EXOC4: variants seen among roughly 807,000 people sequenced by gnomAD.
EXOC4 encodes the protein SEC8-like 1.
A neutral mutation model predicts 107.2 loss-of-function variants in EXOC4; 71 were observed. The observed-to-expected ratio is 0.66, with a 90% CI of 0.55 to 0.81. EXOC4 has a LOEUF of 0.81. Among genes scored for constraint, EXOC4 ranks in the 30% least tolerant of loss-of-function variants. EXOC4 has a pLI of 0.00. For missense variants in EXOC4, 1,108 were observed against 1,189.6 expected, an observed-to-expected ratio of 0.93 and a Z score of 1.01; for synonymous variants, 456 against 441.2, an observed-to-expected ratio of 1.03 and a Z score of -0.42.
intron 5 of EXOC4, among the ~76,000 whole-genome samples, chr7:133,346,288 G>A (rs1795781974): frequency 6.6e-6 from 1 of 152,082 alleles, no homozygotes; most frequent in Non-Finnish European, 1.5e-5. Flanking sequence ...AGCGCATTAA[G>A]TCTTTATTAC....
intron 10 of EXOC4, among the ~76,000 whole-genome samples, chr7:133,771,961 T>G (rs189665924): frequency 6.6e-6 from 1 of 151,940 alleles, no homozygotes; most frequent in African/African-American, 2.4e-5. Flanking sequence ...AGATCCCTCA[T>G]AGGCCCCAGG....
chr7:133,538,805 T>G (rs995014206), intron 9 of EXOC4, among the ~76,000 whole-genome samples: 2 of 141,940 alleles, frequency 1.4e-5, no homozygotes, highest in Non-Finnish European at 3.0e-5. Flanking sequence ...CACTGCAGCT[T>G]GGGCTACAGA....
At chr7:133,860,679 A>T (rs1169322488) in intron 11 of EXOC4, among the ~76,000 whole-genome samples, 1 of 147,594 alleles carries the variant, frequency 6.8e-6, no homozygotes, top group Non-Finnish European at 1.5e-5. Context: ...TGCTTAATAG[A>T]TGTTACTTCT....
intron 10 of EXOC4, among the ~76,000 whole-genome samples, chr7:133,692,355 C>T (rs1467011235): frequency 6.6e-6 from 1 of 152,170 alleles, no homozygotes; most frequent in South Asian, 2.1e-4. Flanking sequence ...AGGAATTACT[C>T]ATTGTGTGCT....
intron 14 of EXOC4, among the ~76,000 whole-genome samples, chr7:133,961,797 A>T (rs1800951107): frequency 6.6e-6 from 1 of 152,220 alleles, no homozygotes; most frequent in Non-Finnish European, 1.5e-5. Context: ...GCAGGACTGG[A>T]ACCTAGGCCA....
intron 7 of EXOC4, among the ~76,000 whole-genome samples, chr7:133,451,385 C>T (rs1435007093): frequency 1.3e-5 from 2 of 151,938 alleles, no homozygotes; most frequent in African/African-American, 4.8e-5. Context: ...AGGGCAGTAT[C>T]CTCTTTTGAT....
At chr7:133,592,204 G>A (rs1325053822) in intron 9 of EXOC4, among the ~76,000 whole-genome samples, 1 of 152,112 alleles carries the variant, frequency 6.6e-6, no homozygotes, top group South Asian at 2.1e-4. Context: ...TGGGACTACA[G>A]GTGTGTGCCG....
intron 12 of EXOC4, among the ~76,000 whole-genome samples, chr7:133,906,315 G>A (rs1799564892): frequency 6.6e-6 from 1 of 152,174 alleles, no homozygotes; most frequent in African/African-American, 2.4e-5. Flanking sequence ...CTCAGAGTGA[G>A]AGGCAGGACT....
intron 17 of EXOC4, among the ~76,000 whole-genome samples, chr7:134,060,229 C>T (rs1796024866): frequency 6.6e-6 from 1 of 152,190 alleles, no homozygotes. Context: ...GGAACTGCTG[C>T]AAAAAGGCAC....
At position 133,546,998 on chromosome 7, in the gene EXOC4, A is replaced by T. The variant is rs556392346; in HGVS notation, c.1417+66860A>T. Among the ~76,000 whole-genome samples, 3 of 152,212 alleles carry T rather than the reference A, an allele frequency of 2.0e-5. No individual in the cohort carries two copies. The South Asian group carries it at 6.2e-4, about 32-fold the overall frequency. On this transcript the variant is annotated intron_variant, in intron 9 of 17. Coordinates refer to ENST00000253861, the MANE Select transcript of EXOC4 (RefSeq NM_021807.4). ...AACCCACAAAAATTCCTTATTTGAC[A>T]CTAGACAACATTATCGAAGGTGACA...
At chr7:133,368,205 A>T (rs1796287977) in intron 6 of EXOC4, among the ~76,000 whole-genome samples, 1 of 152,242 alleles carries the variant, frequency 6.6e-6, no homozygotes, top group Non-Finnish European at 1.5e-5. Context: ...CACTTCTCTC[A>T]GTTCATTGTA....
At position 133,449,682 on chromosome 7, in the gene EXOC4, TACTC is replaced by T. The variant is rs137951554; in HGVS notation, c.1183-25644_1183-25641del. Among the ~76,000 whole-genome samples, 7 of 151,868 alleles carry T rather than the reference TACTC, an allele frequency of 4.6e-5. No individual in the cohort carries two copies. In the East Asian group the frequency reaches 1.4e-3, roughly 30 times the overall value. On this transcript the variant is annotated intron_variant, in intron 7 of 17. Transcript: ENST00000253861. ...GAAAATGCGGTAAACTCTTTTGTCT[TACTC>T]ATGGTGTTTTTTTCTGTAAAGCAAG...
intron 10 of EXOC4, among the ~76,000 whole-genome samples, chr7:133,715,928 T>C (rs2151101211): frequency 6.6e-6 from 1 of 152,298 alleles, no homozygotes; most frequent in Non-Finnish European, 1.5e-5. Context: ...AATGTTACTG[T>C]CAAATTGCTA....
intron 10 of EXOC4, among the ~76,000 whole-genome samples, chr7:133,783,135 ATTTTT>A (rs1437151879): frequency 2.0e-5 from 3 of 152,200 alleles, no homozygotes; most frequent in Non-Finnish European, 4.4e-5. Flanking sequence ...TTAATACGTT[ATTTTT>A]TAAGGAACCA....
At chr7:133,416,158 A>G (rs994622466) in intron 7 of EXOC4, among the ~76,000 whole-genome samples, 6 of 152,196 alleles carry the variant, frequency 3.9e-5, no homozygotes, top group African/African-American at 1.4e-4. Context: ...TATATGCTCT[A>G]TGAGAAAAAA....
At chr7:134,030,554 T>C (rs1488112715) in intron 17 of EXOC4, among the ~76,000 whole-genome samples, 1 of 152,182 alleles carries the variant, frequency 6.6e-6, no homozygotes, top group Non-Finnish European at 1.5e-5. Context: ...GAGAGTGCAG[T>C]GCAGCCACAG....
chr7:133,705,056 AC>A (rs1163167138), intron 10 of EXOC4, among the ~76,000 whole-genome samples: 1 of 152,168 alleles, frequency 6.6e-6, no homozygotes, highest in Non-Finnish European at 1.5e-5. Flanking sequence ...CCGGGTAGAT[AC>A]TATACTTTTT....
intron 7 of EXOC4, among the ~76,000 whole-genome samples, chr7:133,395,442 AT>A (rs1378983034): frequency 6.6e-6 from 1 of 152,060 alleles, no homozygotes; most frequent in Non-Finnish European, 1.5e-5. Context: ...AAATTCTTGT[AT>A]TTTATATCTA....
rs1346400556 is a variant in EXOC4, at chr7:133,517,891, C to T, written c.1417+37753C>T. On this transcript the variant is annotated intron_variant, in intron 9 of 17. Coordinates refer to ENST00000253861, the MANE Select transcript of EXOC4 (RefSeq NM_021807.4). ...TGCATATATCAGTTAGCTTTTACTACGTGATGAATCACCCCATACTTAGTG... is the reference window on the plus strand; with the variant it reads ...TGCATATATCAGTTAGCTTTTACTATGTGATGAATCACCCCATACTTAGTG... Among the ~76,000 whole-genome samples, 10 of 152,220 alleles carry T rather than the reference C, an allele frequency of 6.6e-5. No individual in the cohort carries two copies. The South Asian group carries it at 1.7e-3, about 25-fold the overall frequency.
Sources: allele counts gnomAD v4.1 joint callset (sites outside exome capture counted in the v4.1 genomes callset), GRCh38; gene constraint gnomAD v4.1.1; transcripts MANE v1.5; gene names NCBI Gene and HGNC (gene_info 2026-07-23, HGNC 2026-07-21).